The following SOX5 variants were observed in gnomAD, a reference collection of about 807,000 sequenced individuals.
SOX5 encodes transcription factor SOX-5.
In SOX5, 9 loss-of-function variants were observed where a neutral mutation model predicts 92.0. That is an observed-to-expected ratio of 0.10 (90% CI 0.06 to 0.17). The LOEUF (loss-of-function observed/expected upper bound fraction) is 0.17. Ranked by LOEUF, SOX5 falls within the 10% of genes least tolerant of loss-of-function variation. SOX5 has a pLI of 1.00. For synonymous variants in SOX5, 344 were observed against 336.3 expected (o/e 1.02, Z -0.25); for missense variants, 642 against 944.5 (o/e 0.68, Z 4.20).
In SOX5 at chr12:24,321,898, C is replaced by A. The variant is rs529433370; in HGVS notation, c.-173-44586G>T. On this transcript the variant is annotated intron_variant, in intron 2 of 4. Transcript: ENST00000446891. ...GCCCTAATATACTCACGGTCTCATC[C>A]AAACTGGAAGTCTCAATTATTATGT... Among the ~76,000 whole-genome samples, 3 of 152,222 alleles carry A rather than the reference C, an allele frequency of 2.0e-5. No homozygotes were observed. In the South Asian group the frequency reaches 6.2e-4, roughly 32 times the overall value.
At chr12:24,047,645 A>C (rs575547894) in intron 4 of SOX5, among the ~76,000 whole-genome samples, 15 of 152,310 alleles carry the variant, frequency 9.8e-5, no homozygotes, top group African/African-American at 2.9e-4. Context: ...TAGTGTCTGC[A>C]AATCATAAAT....
In SOX5 at chr12:23,817,777, G is replaced by A. The variant is rs1002959570; in HGVS notation, c.481+28206C>T. 2.0e-5 allele frequency among the ~76,000 whole-genome samples: 3 copies of A among 152,212 alleles called. No homozygotes were observed. The South Asian group carries it at 6.2e-4, about 32-fold the overall frequency. On this transcript the variant is annotated intron_variant, in intron 3 of 14. Coordinates refer to ENST00000451604, the MANE Select transcript of SOX5 (RefSeq NM_006940.6). Reference sequence around the variant, plus strand: ...CCTCTCTACTTACAGAGCCTCCTGTGCTTCCTCACTCACACTCCCATTCAC... The same window carrying A: ...CCTCTCTACTTACAGAGCCTCCTGTACTTCCTCACTCACACTCCCATTCAC...
At chr12:24,211,098 G>T (rs761262940) in intron 4 of SOX5, among the ~76,000 whole-genome samples, 1 of 152,066 alleles carries the variant, frequency 6.6e-6, no homozygotes, top group Admixed American at 6.6e-5. Flanking sequence ...TCCTGCCACT[G>T]CCCTTGCCAT....
intron 4 of SOX5, among the ~76,000 whole-genome samples, chr12:24,032,319 TATCTTAAAATTTCATAAAATCTTC>T (rs1407145670): frequency 2.6e-5 from 4 of 151,972 alleles, no homozygotes; most frequent in African/African-American, 9.6e-5. Context: ...ACACCATTCT[TATCTTAAAATTTCATAAAATCTTC>T]ATTTTAAAAT....
chr12:23,659,966 G>GA (rs1295915420), intron 7 of SOX5, among the ~76,000 whole-genome samples: 1 of 151,578 alleles, frequency 6.6e-6, no homozygotes, highest in Non-Finnish European at 1.5e-5. Flanking sequence ...TCCAAAAAAT[G>GA]AAAAAAAGAA....
intron 8 of SOX5, among the ~76,000 whole-genome samples, chr12:23,621,320 TGATA>T (rs2138094866): frequency 6.6e-6 from 1 of 152,126 alleles, no homozygotes; most frequent in African/African-American, 2.4e-5. Context: ...AGGAAATAAT[TGATA>T]AATACAGAGG....
At chr12:24,483,532 T>C (rs933981735) in intron 1 of SOX5, among the ~76,000 whole-genome samples, 2 of 152,170 alleles carry the variant, frequency 1.3e-5, no homozygotes, top group African/African-American at 2.4e-5. Context: ...TTACCATCAT[T>C]CCAGTTTGCA....
chr12:23,988,879 A>T (rs1298924703), intron 4 of SOX5, among the ~76,000 whole-genome samples: 1 of 152,150 alleles, frequency 6.6e-6, no homozygotes, highest in Non-Finnish European at 1.5e-5. Context: ...TCTCTTTTCC[A>T]CCACTCCAGT....
At chr12:24,499,921 C>T (rs1454788479) in intron 1 of SOX5, among the ~76,000 whole-genome samples, 12 of 152,056 alleles carry the variant, frequency 7.9e-5, no homozygotes, top group Non-Finnish European at 1.0e-4. Context: ...AAGCCCTTTG[C>T]AAAATAAACA....
chr12:24,248,650 G>A (rs1182859473), intron 3 of SOX5, among the ~76,000 whole-genome samples: 2 of 152,248 alleles, frequency 1.3e-5, no homozygotes, highest in African/African-American at 2.4e-5. Context: ...CTCCCAAAGT[G>A]CTGAGATTAC....
intron 2 of SOX5, among the ~76,000 whole-genome samples, chr12:24,314,885 T>A (rs753504110): frequency 2.6e-5 from 4 of 152,240 alleles, no homozygotes; most frequent in Non-Finnish European, 5.9e-5. Context: ...TAGAACCTAG[T>A]TGGCAGAGAG....
intron 9 of SOX5, among the ~76,000 whole-genome samples, chr12:23,582,971 T>A (rs554456984): frequency 6.6e-6 from 1 of 152,106 alleles, no homozygotes; most frequent in Non-Finnish European, 1.5e-5. Context: ...AATATTTTCC[T>A]TGTTTTCCGA....
chr12:24,454,642 T>C (rs912999491), intron 1 of SOX5, among the ~76,000 whole-genome samples: 102 of 152,306 alleles, frequency 6.7e-4, no homozygotes, highest in African/African-American at 2.3e-3. Flanking sequence ...CAAAAACCTC[T>C]GGTTTTTAAA....
Position 23,846,199 on chromosome 12 carries a change from A to C in SOX5, c.271-6T>G. On this transcript the variant is annotated splice_region_variant and splice_polypyrimidine_tract_variant and intron_variant, in intron 2 of 14. Transcript: ENST00000451604. The stretch of plus-strand genomic sequence containing the variant: ...ACTTTATTGCCATCAACTTCCTGAA[A>C]GAGAAAGCAAAATGACAAATAATTG... 1 of 1,606,254 alleles carries C rather than the reference A, an allele frequency of 6.2e-7. No homozygotes were observed. Among genetic ancestry groups the C allele is most frequent in the Non-Finnish European group, 8.5e-7 (1 of 1,172,856 alleles).
chr12:24,118,396 A>G (rs1948283387), intron 4 of SOX5, among the ~76,000 whole-genome samples: 1 of 152,164 alleles, frequency 6.6e-6, no homozygotes, highest in East Asian at 1.9e-4. Context: ...TGTCAATTAA[A>G]AATAAATTAA....
chr12:24,223,081 T>C (rs937018375), intron 3 of SOX5, among the ~76,000 whole-genome samples: 1 of 152,218 alleles, frequency 6.6e-6, no homozygotes, highest in African/African-American at 2.4e-5. Context: ...AAAAGCCATG[T>C]CCAGATATTA....
chr12:24,339,563 C>A (rs1193690645), intron 2 of SOX5, among the ~76,000 whole-genome samples: 1 of 152,142 alleles, frequency 6.6e-6, no homozygotes, highest in African/African-American at 2.4e-5. Flanking sequence ...TCGAAGAGTT[C>A]TGTAGAAGAG....
At chr12:23,740,775 T>C (rs1033156492) in intron 5 of SOX5, 92 bp downstream of exon 5, 3 of 1,058,702 alleles carry the variant, frequency 2.8e-6, no homozygotes, top group Non-Finnish European at 2.6e-6. Context: ...GAAGGGACTC[T>C]TATTCATTGT....
In SOX5 at chr12:24,258,982, C is replaced by A. The variant is rs541999290; in HGVS notation, c.-77+18234G>T. Among the ~76,000 whole-genome samples the A allele has an allele frequency of 2.6e-5, 4 of 152,310 alleles. No individual in the cohort carries two copies. The East Asian group carries it at 7.7e-4, about 29-fold the overall frequency. On this transcript the variant is annotated intron_variant, in intron 3 of 4. Coordinates refer to the SOX5 transcript ENST00000446891. ...CCATCTTAACCACTCTTCTAGGCTA[C>A]CTCTCCAGGATGGAAGACACTATCT...
Sources: allele counts gnomAD v4.1 joint callset (sites outside exome capture counted in the v4.1 genomes callset), GRCh38; gene constraint gnomAD v4.1.1; transcripts MANE v1.5; gene names NCBI Gene and HGNC (gene_info 2026-07-23, HGNC 2026-07-21).